The following CNTN5 variants were observed in gnomAD, a reference collection of about 807,000 sequenced individuals.
CNTN5 encodes the protein contactin-5.
In CNTN5, 77 loss-of-function variants were observed where a neutral mutation model predicts 129.1. The observed-to-expected ratio is 0.60, with a 90% CI of 0.50 to 0.72. The LOEUF is 0.72. Among genes scored for constraint, CNTN5 ranks in the 30% least tolerant of loss-of-function variants. The pLI is 0.00. For missense variants in CNTN5, 1,478 were observed against 1,328.8 expected (o/e 1.11, Z -1.75); for synonymous variants, 509 against 465.6 (o/e 1.09, Z -1.20).
At chr11:99,202,386 G>A (rs1859253440) in intron 1 of CNTN5, among the ~76,000 whole-genome samples, 1 of 152,060 alleles carries the variant, frequency 6.6e-6, no homozygotes, top group Non-Finnish European at 1.5e-5. Flanking sequence ...TGGATTACTG[G>A]GCAGTAGTAG....
intron 8 of CNTN5, among the ~76,000 whole-genome samples, chr11:99,971,703 T>C (rs12366061): frequency 0.061 from 9,203 of 151,986 alleles, 332 homozygotes; most frequent in Non-Finnish European, 0.077. Context: ...CTCCCACAGA[T>C]TGAAATTATA....
intron 4 of CNTN5, among the ~76,000 whole-genome samples, chr11:99,825,644 A>C (rs749003110): frequency 1.3e-5 from 2 of 152,014 alleles, no homozygotes; most frequent in Non-Finnish European, 2.9e-5. Flanking sequence ...ATTACTCTTG[A>C]GTGATAGATG....
chr11:100,291,093 A>C (rs1950953866), intron 18 of CNTN5, among the ~76,000 whole-genome samples: 2 of 148,358 alleles, frequency 1.3e-5, no homozygotes, highest in Admixed American at 1.3e-4. Context: ...GCAATCATTA[A>C]AAAGTCAGGA....
intron 6 of CNTN5, among the ~76,000 whole-genome samples, chr11:99,857,662 A>G (rs756550675): frequency 1.1e-4 from 16 of 152,174 alleles, no homozygotes; most frequent in Non-Finnish European, 1.6e-4. Flanking sequence ...TACTATTGGT[A>G]ATATCTTACA....
At chr11:99,846,314 C>A (rs558680141) in intron 6 of CNTN5, among the ~76,000 whole-genome samples, 1 of 141,224 alleles carries the variant, frequency 7.1e-6, no homozygotes, top group Admixed American at 7.3e-5. Flanking sequence ...GCCGAGATTG[C>A]GCCACCACAC....
chr11:99,636,634 C>T (rs1455451270), intron 3 of CNTN5, among the ~76,000 whole-genome samples: 1 of 151,932 alleles, frequency 6.6e-6, no homozygotes, highest in African/African-American at 2.4e-5. Flanking sequence ...TGTTAGTTGC[C>T]TGTGTTCTTC....
chr11:99,484,728 C>A (rs951278606), intron 2 of CNTN5, among the ~76,000 whole-genome samples: 2 of 151,782 alleles, frequency 1.3e-5, no homozygotes, highest in Admixed American at 6.6e-5. Flanking sequence ...GTGAAATAAT[C>A]ATTCTCTGTT....
At chr11:100,282,651 C>T (rs770088709) in intron 18 of CNTN5, among the ~76,000 whole-genome samples, 61 of 152,234 alleles carry the variant, frequency 4.0e-4, no homozygotes, top group Non-Finnish European at 7.6e-4. Flanking sequence ...GTGAGCCAGG[C>T]CAGTGTCCTT....
At chr11:99,513,647 A>G (rs948810230) in intron 2 of CNTN5, among the ~76,000 whole-genome samples, 2 of 152,082 alleles carry the variant, frequency 1.3e-5, no homozygotes, top group African/African-American at 4.8e-5. Flanking sequence ...ATGTAAATGG[A>G]ACAAAAAAGC....
intron 2 of CNTN5, among the ~76,000 whole-genome samples, chr11:99,331,798 G>C (rs1866009540): frequency 6.6e-6 from 1 of 152,044 alleles, no homozygotes; most frequent in African/African-American, 2.4e-5. Flanking sequence ...CTTGATTCTT[G>C]ACTTTGGGTT....
At chr11:99,785,277 T>C (rs1454518769) in intron 3 of CNTN5, among the ~76,000 whole-genome samples, 2 of 152,178 alleles carry the variant, frequency 1.3e-5, no homozygotes, top group East Asian at 1.9e-4. Context: ...TTTGTTTATG[T>C]TCTTTGTAGA....
chr11:99,233,501 C>T (rs770502333), intron 1 of CNTN5, among the ~76,000 whole-genome samples: 1 of 152,048 alleles, frequency 6.6e-6, no homozygotes, highest in Non-Finnish European at 1.5e-5. Flanking sequence ...TAATAATATT[C>T]TTTGTTTATA....
At chr11:99,374,568 C>T (rs1285639977) in intron 2 of CNTN5, among the ~76,000 whole-genome samples, 1 of 152,118 alleles carries the variant, frequency 6.6e-6, no homozygotes, top group African/African-American at 2.4e-5. Flanking sequence ...CCTGTAGTCC[C>T]AGCTACTCCA....
At chr11:99,723,474 C>T (rs1334758880) in intron 3 of CNTN5, among the ~76,000 whole-genome samples, 2 of 152,162 alleles carry the variant, frequency 1.3e-5, no homozygotes. Context: ...GATGACTCTG[C>T]TTCCTATTTC....
chr11:99,109,107 G>C (rs1026603283), intron 1 of CNTN5, among the ~76,000 whole-genome samples: 1 of 151,002 alleles, frequency 6.6e-6, no homozygotes, highest in Non-Finnish European at 1.5e-5. Context: ...TATACACATA[G>C]TATATGTACA....
chr11:99,245,409 C>T (rs992523843), intron 1 of CNTN5, among the ~76,000 whole-genome samples: 3 of 152,170 alleles, frequency 2.0e-5, no homozygotes, highest in African/African-American at 7.2e-5. Context: ...ACCTCTGCCT[C>T]CCAGGTTCAA....
intron 8 of CNTN5, among the ~76,000 whole-genome samples, chr11:99,979,426 G>A (rs2137348512): frequency 6.6e-6 from 1 of 152,186 alleles, no homozygotes; most frequent in South Asian, 2.1e-4. Flanking sequence ...GCAGACAGAG[G>A]GAAAAACATA....
intron 3 of CNTN5, among the ~76,000 whole-genome samples, chr11:99,636,384 C>T (rs7103292): frequency 0.071 from 10,605 of 149,918 alleles, 430 homozygotes; most frequent in East Asian, 0.1. Context: ...TTTTTTTTTT[C>T]TTTTTTTTTG....
At chr11:99,864,486 C>G (rs553727439) in intron 6 of CNTN5, among the ~76,000 whole-genome samples, 2 of 152,200 alleles carry the variant, frequency 1.3e-5, no homozygotes, top group South Asian at 4.1e-4. Flanking sequence ...TGGCTGCCAC[C>G]TTGGACTTGC....
Sources: gnomAD v4.1 joint callset for allele counts (sites outside exome capture counted in the v4.1 genomes callset) on GRCh38, gnomAD v4.1.1 for gene constraint, MANE v1.5 for transcripts, NCBI Gene and HGNC (gene_info 2026-07-23, HGNC 2026-07-21) for gene names.